NEK10: variants seen among roughly 807,000 people sequenced by gnomAD.
The protein encoded by NEK10 is NIMA related kinase 10.
A neutral mutation model predicts 159.8 loss-of-function variants in NEK10; 122 were observed. The ratio of observed to expected loss-of-function variants is 0.76; its 90% CI spans 0.66 to 0.89. NEK10 has a LOEUF of 0.89. Among genes scored for constraint, NEK10 ranks in the 40% least tolerant of loss-of-function variants. The pLI is 0.00. For missense variants in NEK10, 1,342 were observed against 1,323.1 expected (o/e 1.01, Z -0.22); for synonymous variants, 466 against 457.1 (o/e 1.02, Z -0.25).
chr3:27,310,966 T>C lies in NEK10; in HGVS notation c.619A>G (p.Thr207Ala), dbSNP rs749218564. 1.9e-6 allele frequency: 3 copies of C among 1,609,940 alleles called. No homozygotes were observed. Among genetic ancestry groups the C allele is most frequent in the South Asian group, 2.2e-5 (2 of 90,942 alleles). ...CCACTCACCTTGTGGGCTCCACTTG[T>C]GGTGACCCATTCTCTTTGATCTTTG... ...AVKDQREWVTTSGAHKTLVNL... is the reference protein window; with the variant it reads ...AVKDQREWVTASGAHKTLVNL... The change falls in exon 9 of 36, where the codon ACA becomes GCA. Residue 207 changes from threonine to alanine, a missense_variant. Physicochemically the swap from Thr to Ala is moderately conservative, Grantham distance 58. Transcript: ENST00000691995.
intron 5 of NEK10, among the ~76,000 whole-genome samples, chr3:27,324,370 A>G (rs748498450): frequency 1.5e-4 from 23 of 152,312 alleles, no homozygotes; most frequent in Admixed American, 6.5e-4. Context: ...ACTAGAACCC[A>G]TGGCTTCCTG....
At chr3:27,229,607 T>C (rs1953012834) in intron 23 of NEK10, among the ~76,000 whole-genome samples, 1 of 151,990 alleles carries the variant, frequency 6.6e-6, no homozygotes, top group Non-Finnish European at 1.5e-5. Context: ...AAAACCAACA[T>C]AAAGAAATTT....
intron 23 of NEK10, among the ~76,000 whole-genome samples, chr3:27,249,985 AAAAAG>A (rs2149295488): frequency 6.6e-6 from 1 of 152,330 alleles, no homozygotes; most frequent in African/African-American, 2.4e-5. Flanking sequence ...ACAAACAAGC[AAAAAG>A]AAAACATAAA....
At position 27,107,481 on chromosome 3, in the gene NEK10, A is replaced by G. The variant is rs1376441498; in HGVS notation, c.*3791T>C. 6.6e-6 allele frequency among the ~76,000 whole-genome samples: 1 copy of G among 152,202 alleles called. No individual in the cohort carries two copies. On this transcript the variant is annotated 3_prime_UTR_variant, in exon 36 of 36. Coordinates refer to ENST00000691995, the MANE Select transcript of NEK10 (RefSeq NM_001394966.1). The stretch of plus-strand genomic sequence containing the variant: ...ATTGTTAGCAACACATTTCAACTGA[A>G]AAAATAATCTACCCAAAGCTGTCAG...
intron 9 of NEK10, chr3:27,310,720 A>G (rs1270117456): frequency 5.1e-6 from 2 of 394,786 alleles, no homozygotes; most frequent in Admixed American, 4.8e-5. Context: ...TAAATGGCAT[A>G]GGAAAAAAAA....
Position 27,108,758 on chromosome 3 carries a change from A to G in NEK10, c.*2514T>C, listed in dbSNP as rs909785782. Among the ~76,000 whole-genome samples, 1 of 152,220 alleles carries G rather than the reference A, an allele frequency of 6.6e-6. No individual in the cohort carries two copies. The highest frequency in any genetic ancestry group is 1.5e-5 in the Non-Finnish European group (1 of 68,030). On this transcript the variant is annotated 3_prime_UTR_variant, in exon 36 of 36. Coordinates refer to ENST00000691995, the MANE Select transcript of NEK10 (RefSeq NM_001394966.1). Reference sequence around the variant, plus strand: ...TTTGGAGAATCAAAACAAAATGATCATTCTTGGTCATGAGGGGAGGTGCTC... The same window carrying G: ...TTTGGAGAATCAAAACAAAATGATCGTTCTTGGTCATGAGGGGAGGTGCTC...
chr3:27,335,134 T>A (rs2046703288), intron 5 of NEK10, among the ~76,000 whole-genome samples: 1 of 151,726 alleles, frequency 6.6e-6, no homozygotes, highest in Admixed American at 6.6e-5. Flanking sequence ...AGGTCAGGAG[T>A]TCAGGACCAG....
At chr3:27,341,865 A>C (rs1349357464) in intron 5 of NEK10, among the ~76,000 whole-genome samples, 1 of 152,196 alleles carries the variant, frequency 6.6e-6, no homozygotes, top group Non-Finnish European at 1.5e-5. Flanking sequence ...ATGAGACTAA[A>C]TTCCCAATAA....
rs1293095633 is a variant in NEK10, at chr3:27,242,670, T to A, written c.2090+13626A>T. ...CTCTCACTGCTGAAGTTCTGAGCAT[T>A]ATTTACTAAATTTATGAAGAAAGTA... is the stretch of plus-strand genomic sequence containing the variant. On this transcript the variant is annotated intron_variant, in intron 23 of 35. Coordinates refer to ENST00000691995, the MANE Select transcript of NEK10 (RefSeq NM_001394966.1). Among the ~76,000 whole-genome samples the A allele has an allele frequency of 3.9e-5, 6 of 152,186 alleles. No individual in the cohort carries two copies. The East Asian group carries it at 1.2e-3, about 29-fold the overall frequency.
chr3:27,232,612 C>T (rs1210146528), intron 23 of NEK10, among the ~76,000 whole-genome samples: 1 of 151,928 alleles, frequency 6.6e-6, no homozygotes, highest in African/African-American at 2.4e-5. Flanking sequence ...CAAAGCAAGG[C>T]TAAGCAAAAA....
rs975266459 is a variant in NEK10 at position 27,295,638 on chromosome 3, T to C, written c.1283A>G (p.Asn428Ser). 3 of 1,566,172 alleles carry C rather than the reference T, an allele frequency of 1.9e-6. No individual in the cohort carries two copies. The highest frequency in any genetic ancestry group is 1.3e-5 in the African/African-American group (1 of 74,166). ...CTGTAATAGATTACTTTTTGCTGCATTCTTTTGCTTATTTGGTAAAATTAA... is the reference window on the plus strand; with the variant it reads ...CTGTAATAGATTACTTTTTGCTGCACTCTTTTGCTTATTTGGTAAAATTAA... ...AKLILPNKQK[N>S]AAKSNLLQCY... is the part of the protein sequence containing the mutation. The change falls in exon 15 of 36, where the codon AAT (asparagine) becomes AGT (serine). Residue 428 changes from asparagine to serine, a missense_variant. Physicochemically the swap from Asn to Ser is conservative, Grantham distance 46. Coordinates refer to ENST00000691995, the MANE Select transcript of NEK10 (RefSeq NM_001394966.1).
intron 32 of NEK10, among the ~76,000 whole-genome samples, chr3:27,124,273 G>A (rs1419996159): frequency 6.6e-6 from 1 of 152,134 alleles, no homozygotes; most frequent in African/African-American, 2.4e-5. Flanking sequence ...AAGATAGATT[G>A]GAGAACAAGA....
At chr3:27,180,960 T>A (rs1360450631) in intron 26 of NEK10, among the ~76,000 whole-genome samples, 1 of 152,148 alleles carries the variant, frequency 6.6e-6, no homozygotes, top group Non-Finnish European at 1.5e-5. Flanking sequence ...CATGTCCAAC[T>A]GTCTCTCCCT....
At chr3:27,286,545 C>CTTT (rs36101281) in intron 20 of NEK10, among the ~76,000 whole-genome samples, 2,966 of 64,956 alleles carry the variant, frequency 0.046, 590 homozygotes, top group African/African-American at 0.18. Context: ...CCACGCCCAG[C>CTTT]TTTTTTTTTT....
Position 27,340,792 on chromosome 3 carries a change from G to C in NEK10, c.362+3480C>G, listed in dbSNP as rs1473780696. Among the ~76,000 whole-genome samples, 10 of 152,062 alleles carry C rather than the reference G, an allele frequency of 6.6e-5. No individual in the cohort carries two copies. The South Asian group carries it at 2.1e-3, about 31-fold the overall frequency. ...CAACTGCTGTGGAGAACCTTATGAC[G>C]ATTTCTCAAAAAAATAAAAATAGAA... On this transcript the variant is annotated intron_variant, in intron 5 of 35. Coordinates refer to ENST00000691995, the MANE Select transcript of NEK10 (RefSeq NM_001394966.1).
chr3:27,146,489 TG>T (rs1944309730), intron 30 of NEK10, among the ~76,000 whole-genome samples: 1 of 152,308 alleles, frequency 6.6e-6, no homozygotes, highest in South Asian at 2.1e-4. Context: ...TTTTCATGAA[TG>T]GGGGGCCAAA....
intron 22 of NEK10, among the ~76,000 whole-genome samples, chr3:27,273,059 T>C (rs147640124): frequency 6.6e-6 from 1 of 152,118 alleles, no homozygotes; most frequent in African/African-American, 2.4e-5. Context: ...GCAGACATTA[T>C]CTAGGTAAGA....
chr3:27,337,695 G>A (rs1471553237), intron 5 of NEK10, among the ~76,000 whole-genome samples: 1 of 152,106 alleles, frequency 6.6e-6, no homozygotes, highest in Non-Finnish European at 1.5e-5. Flanking sequence ...AATATTCACT[G>A]CAAAAAGGAC....
intron 23 of NEK10, among the ~76,000 whole-genome samples, chr3:27,250,342 A>G (rs916705807): frequency 2.0e-5 from 3 of 151,886 alleles, no homozygotes; most frequent in African/African-American, 7.3e-5. Context: ...GCCCACCACC[A>G]TGCCCGGCTA....
Sources: allele counts gnomAD v4.1 joint callset (sites outside exome capture counted in the v4.1 genomes callset), GRCh38; gene constraint gnomAD v4.1.1; transcripts MANE v1.5; gene names NCBI Gene and HGNC (gene_info 2026-07-23, HGNC 2026-07-21).